EYS: variants seen among roughly 807,000 people sequenced by gnomAD.
EYS encodes EGF-like photoreceptor maintenance factor.
EYS carries 250 observed loss-of-function variants against 282.1 expected under a neutral mutation model. The observed-to-expected ratio is 0.89, with a 90% CI of 0.80 to 0.98. The LOEUF is 0.98. EYS is among the 50% of genes least tolerant of loss of function. EYS has a pLI of 0.00. For synonymous variants in EYS, 1,355 were observed against 1,282.9 expected, an observed-to-expected ratio of 1.06 and a Z score of -1.20; for missense variants, 4,016 against 3,709.0, an observed-to-expected ratio of 1.08 and a Z score of -2.15.
At chr6:65,553,253 A>G (rs922509097) in intron 2 of EYS, among the ~76,000 whole-genome samples, 3 of 152,206 alleles carry the variant, frequency 2.0e-5, no homozygotes, top group African/African-American at 7.2e-5. Flanking sequence ...AAAAGGATTC[A>G]GTAATCAGAA....
chr6:63,878,061 T>G (rs886484629), intron 35 of EYS, among the ~76,000 whole-genome samples: 1 of 152,240 alleles, frequency 6.6e-6, no homozygotes, highest in Non-Finnish European at 1.5e-5. Context: ...CTCTGACTTT[T>G]AGAATTTTCA....
At chr6:64,195,726 T>G (rs1370082504) in intron 31 of EYS, among the ~76,000 whole-genome samples, 1 of 152,222 alleles carries the variant, frequency 6.6e-6, no homozygotes, top group African/African-American at 2.4e-5. Flanking sequence ...ACCTATTTAT[T>G]TTCAAATTTA....
chr6:63,743,954 G>A (rs1356363882), intron 41 of EYS, among the ~76,000 whole-genome samples: 1 of 152,188 alleles, frequency 6.6e-6, no homozygotes, highest in African/African-American at 2.4e-5. Flanking sequence ...ATTTGAGGCA[G>A]CAGTAGTGAG....
chr6:63,721,826 T>A, intron 42 of EYS, 29 bp from the exon 43 acceptor site: 1 of 1,517,900 alleles, frequency 6.6e-7, no homozygotes, highest in East Asian at 2.5e-5. Flanking sequence ...TAAGTTTGAT[T>A]AGCAACAGTA....
intron 1 of EYS, among the ~76,000 whole-genome samples, chr6:65,666,046 G>A (rs1344329273): frequency 1.5e-4 from 22 of 151,596 alleles, no homozygotes; most frequent in Admixed American, 1.4e-3. Context: ...ACGTATTGAT[G>A]GAATGTAAGT....
chr6:64,271,610 C>T (rs1767940237), intron 30 of EYS, among the ~76,000 whole-genome samples: 1 of 151,944 alleles, frequency 6.6e-6, no homozygotes. Context: ...GAAAGAGTGT[C>T]ATATGTATTC....
At chr6:64,114,359 C>A (rs191118243) in intron 31 of EYS, among the ~76,000 whole-genome samples, 1 of 151,980 alleles carries the variant, frequency 6.6e-6, no homozygotes, top group Non-Finnish European at 1.5e-5. Flanking sequence ...CAAAAATATA[C>A]CACCTAAAGG....
intron 29 of EYS, among the ~76,000 whole-genome samples, chr6:64,314,148 G>C (rs962451935): frequency 5.6e-5 from 6 of 106,768 alleles, no homozygotes; most frequent in African/African-American, 2.2e-4. Flanking sequence ...ACACACACAG[G>C]CTCAAAATAA....
chr6:65,612,907 T>A (rs1766051650), intron 2 of EYS, among the ~76,000 whole-genome samples: 1 of 151,806 alleles, frequency 6.6e-6, no homozygotes, highest in African/African-American at 2.4e-5. Flanking sequence ...TGGTTAGAAT[T>A]TCATCAATTT....
chr6:64,171,810 G>A (rs145601002), intron 31 of EYS, among the ~76,000 whole-genome samples: 1 of 151,980 alleles, frequency 6.6e-6, no homozygotes, highest in Non-Finnish European at 1.5e-5. Flanking sequence ...TTTTATCAGG[G>A]TTCTATACCC....
intron 21 of EYS, among the ~76,000 whole-genome samples, chr6:64,816,981 T>C (rs1054532049): frequency 1.3e-5 from 2 of 151,344 alleles, no homozygotes; most frequent in African/African-American, 4.8e-5. Context: ...TATAATTATA[T>C]ATAAAGTAGA....
chr6:65,692,678 T>C (rs968513869), intron 1 of EYS, among the ~76,000 whole-genome samples: 3 of 150,090 alleles, frequency 2.0e-5, no homozygotes, highest in African/African-American at 4.8e-5. Context: ...AAACATATAA[T>C]TTTTTTGGTT....
intron 12 of EYS, among the ~76,000 whole-genome samples, chr6:65,084,036 T>C (rs1215766606): frequency 1.3e-5 from 2 of 151,930 alleles, no homozygotes; most frequent in African/African-American, 2.4e-5. Flanking sequence ...TGAAACTTCA[T>C]TTATCTTTGG....
At chr6:64,263,583 T>C (rs1433067585) in intron 30 of EYS, among the ~76,000 whole-genome samples, 3 of 152,154 alleles carry the variant, frequency 2.0e-5, no homozygotes, top group African/African-American at 7.2e-5. Flanking sequence ...CTTAGTATTG[T>C]TTCATGAAAG....
At chr6:65,166,767 T>A (rs956109859) in intron 12 of EYS, among the ~76,000 whole-genome samples, 1 of 151,068 alleles carries the variant, frequency 6.6e-6, no homozygotes, top group Non-Finnish European at 1.5e-5. Context: ...CATAGAATGG[T>A]AGAAAATATT....
chr6:65,110,524 G>A (rs1031882942), intron 12 of EYS, among the ~76,000 whole-genome samples: 5 of 151,950 alleles, frequency 3.3e-5, no homozygotes, highest in Non-Finnish European at 5.9e-5. Context: ...ATGACAAGAT[G>A]TTTTCCAAAT....
chr6:63,852,882 C>A (rs866783633), intron 36 of EYS, among the ~76,000 whole-genome samples: 1 of 152,142 alleles, frequency 6.6e-6, no homozygotes, highest in Non-Finnish European at 1.5e-5. Context: ...TAACAAAAAA[C>A]CACATGATTA....
chr6:65,205,206 G>A (rs1419645896), intron 12 of EYS, among the ~76,000 whole-genome samples: 1 of 150,652 alleles, frequency 6.6e-6, no homozygotes, highest in South Asian at 2.1e-4. Context: ...TAAAGGGGTA[G>A]TAAAAGATAT....
intron 37 of EYS, among the ~76,000 whole-genome samples, chr6:63,805,370 ACTTT>A (rs1174791961): frequency 1.3e-5 from 2 of 152,204 alleles, no homozygotes; most frequent in African/African-American, 2.4e-5. Context: ...CAGGCTGAGT[ACTTT>A]CTTAATTTCT....
Sources: gnomAD v4.1 joint callset for allele counts (sites outside exome capture counted in the v4.1 genomes callset) on GRCh38, gnomAD v4.1.1 for gene constraint, MANE v1.5 for transcripts, NCBI Gene and HGNC (gene_info 2026-07-23, HGNC 2026-07-21) for gene names.